Variants in ERBB4 observed in about 807,000 individuals in gnomAD.
The protein encoded by ERBB4 is receptor tyrosine-protein kinase erbB-4.
ERBB4 carries 42 observed loss-of-function variants against 158.0 expected under a neutral mutation model. The observed-to-expected ratio is 0.27, with a 90% CI of 0.21 to 0.34. The LOEUF (loss-of-function observed/expected upper bound fraction) is 0.34, where lower values mean the gene tolerates loss of function less well. ERBB4 is among the 10% of genes least tolerant of loss of function. ERBB4 has a pLI of 1.00. For synonymous variants in ERBB4, 583 were observed against 558.7 expected (o/e 1.04, Z -0.61); for missense variants, 1,333 against 1,624.1 (o/e 0.82, Z 3.08).
chr2:211,777,699 A>T (rs1217848224), intron 4 of ERBB4: 2 of 152,188 alleles, frequency 1.3e-5, no homozygotes, highest in Non-Finnish European at 2.9e-5. Context: ...GTACTCTTAC[A>T]TACACCTCAT....
intron 1 of ERBB4, among the ~76,000 whole-genome samples, chr2:212,424,137 GC>G (rs2091855595): frequency 6.6e-6 from 1 of 151,860 alleles, no homozygotes; most frequent in Admixed American, 6.6e-5. Context: ...TCTCCTTGGG[GC>G]TAATACAAAG....
intron 3 of ERBB4, among the ~76,000 whole-genome samples, chr2:211,828,644 T>C (rs1424362322): frequency 6.6e-6 from 1 of 152,076 alleles, no homozygotes; most frequent in African/African-American, 2.4e-5. Context: ...AACCAATATA[T>C]AAAGAAAGGT....
At chr2:211,944,183 A>ATATATATATAGTG (rs2080599636) in intron 3 of ERBB4, among the ~76,000 whole-genome samples, 1 of 41,950 alleles carries the variant, frequency 2.4e-5, no homozygotes, top group African/African-American at 1.2e-4. Context: ...TATACTATAT[A>ATATATATATAGTG]TATATATATA....
intron 1 of ERBB4, among the ~76,000 whole-genome samples, chr2:212,412,813 C>T (rs74991357): frequency 0.013 from 2,000 of 152,276 alleles, 17 homozygotes; most frequent in Middle Eastern, 0.037. Flanking sequence ...AGATTAAATG[C>T]ATTTGTGTAC....
chr2:211,797,791 T>C (rs1441319457), intron 3 of ERBB4, among the ~76,000 whole-genome samples: 2 of 151,978 alleles, frequency 1.3e-5, no homozygotes, highest in African/African-American at 4.8e-5. Flanking sequence ...TGGAAGATTA[T>C]TTTAAAAGCC....
intron 1 of ERBB4, among the ~76,000 whole-genome samples, chr2:212,342,319 T>C (rs999903418): frequency 1.3e-5 from 2 of 152,150 alleles, no homozygotes; most frequent in African/African-American, 4.8e-5. Context: ...GGGAGATAAC[T>C]GAATCATGGG....
intron 3 of ERBB4, among the ~76,000 whole-genome samples, chr2:211,918,090 A>T (rs2079750306): frequency 6.6e-6 from 1 of 152,190 alleles, no homozygotes; most frequent in Admixed American, 6.5e-5. Context: ...ATTCTAGCTT[A>T]ATGGAGGATA....
intron 20 of ERBB4, among the ~76,000 whole-genome samples, chr2:211,450,108 A>G (rs2064207262): frequency 6.6e-6 from 1 of 152,190 alleles, no homozygotes; most frequent in Admixed American, 6.5e-5. Flanking sequence ...ATTTTAACTG[A>G]GGCAGCCTGG....
intron 16 of ERBB4, among the ~76,000 whole-genome samples, chr2:211,657,207 C>T (rs1201720270): frequency 6.7e-6 from 1 of 150,130 alleles, no homozygotes; most frequent in African/African-American, 2.5e-5. Context: ...CCTGTTTAGA[C>T]TACACAAATT....
At chr2:212,089,488 TC>T (rs1462839290) in intron 2 of ERBB4, among the ~76,000 whole-genome samples, 1 of 152,152 alleles carries the variant, frequency 6.6e-6, no homozygotes, top group Non-Finnish European at 1.5e-5. Flanking sequence ...GGTAACTGGG[TC>T]ATGGGGGTGA....
At chr2:211,839,148 AGAGAAGGAGGAGGAGGAGGAG>A (rs1228963722) in intron 3 of ERBB4, among the ~76,000 whole-genome samples, 1 of 96,748 alleles carries the variant, frequency 1.0e-5, no homozygotes, top group African/African-American at 4.3e-5. Context: ...AGAGGGAGAG[AGAGAAGGAGGAGGAGGAGGAG>A]GAGGAGGAGG....
chr2:211,573,583 T>C (rs750353282), intron 19 of ERBB4, among the ~76,000 whole-genome samples: 4 of 152,064 alleles, frequency 2.6e-5, no homozygotes, highest in Admixed American at 6.6e-5. Flanking sequence ...GGCAGGACAA[T>C]GGTGTGAGCC....
At chr2:211,669,991 T>C (rs1574956506) in intron 14 of ERBB4, among the ~76,000 whole-genome samples, 1 of 152,192 alleles carries the variant, frequency 6.6e-6, no homozygotes. Flanking sequence ...GTTTTTGTCA[T>C]TGGGGAAATA....
At chr2:211,647,951 C>T (rs1335031561) in intron 16 of ERBB4, among the ~76,000 whole-genome samples, 2 of 151,744 alleles carry the variant, frequency 1.3e-5, no homozygotes, top group East Asian at 1.9e-4. Context: ...ATACCTTTCT[C>T]TTCTGTTCTG....
At chr2:211,849,870 T>C (rs1204189549) in intron 3 of ERBB4, among the ~76,000 whole-genome samples, 1 of 151,924 alleles carries the variant, frequency 6.6e-6, no homozygotes, top group Non-Finnish European at 1.5e-5. Context: ...TATGCACAAA[T>C]AGCATGTTTG....
intron 20 of ERBB4, among the ~76,000 whole-genome samples, chr2:211,543,757 G>C (rs2066872740): frequency 6.6e-6 from 1 of 150,456 alleles, no homozygotes; most frequent in Admixed American, 6.7e-5. Flanking sequence ...ACAGACTCTA[G>C]CAGGCGCTGC....
At position 212,058,302 on chromosome 2, in the gene ERBB4, C is replaced by G. The variant is rs7569494; in HGVS notation, c.234+66450G>C. Among the ~76,000 whole-genome samples, 901 of 152,254 alleles carry G rather than the reference C, an allele frequency of 5.9e-3. 6 individuals are homozygous for G. The highest frequency in any genetic ancestry group is 0.021 in the African/African-American group (855 of 41,552). On this transcript the variant is annotated intron_variant, in intron 2 of 27. Coordinates refer to ENST00000342788, the MANE Select transcript of ERBB4 (RefSeq NM_005235.3). ...CTGAAATTGTGGCAACAGTTAATAGCCTGCCACCCAAAAAAAGTCCAGGAC... is the reference window on the plus strand; with the variant it reads ...CTGAAATTGTGGCAACAGTTAATAGGCTGCCACCCAAAAAAAGTCCAGGAC...
chr2:212,365,163 A>G (rs1404444728), intron 1 of ERBB4, among the ~76,000 whole-genome samples: 7 of 151,684 alleles, frequency 4.6e-5, no homozygotes, highest in Non-Finnish European at 1.0e-4. Context: ...GGAACACAAA[A>G]TAAGGTTTGC....
chr2:211,844,065 G>A (rs761337339), intron 3 of ERBB4, among the ~76,000 whole-genome samples: 4 of 151,924 alleles, frequency 2.6e-5, no homozygotes, highest in Non-Finnish European at 4.4e-5. Context: ...GACAGACTTC[G>A]TCAAATAAAA....
Sources: gnomAD v4.1 joint callset for allele counts (sites outside exome capture counted in the v4.1 genomes callset) on GRCh38, gnomAD v4.1.1 for gene constraint, MANE v1.5 for transcripts, NCBI Gene and HGNC (gene_info 2026-07-23, HGNC 2026-07-21) for gene names.